DLG3: variants seen among roughly 807,000 people sequenced by gnomAD.
DLG3 encodes the protein discs large MAGUK scaffold protein 3.
A neutral mutation model predicts 64.1 loss-of-function variants in DLG3; 1 was observed. The observed-to-expected ratio is 0.02, with a 90% CI of 0.01 to 0.07. The LOEUF (loss-of-function observed/expected upper bound fraction) is 0.07, where lower values mean the gene tolerates loss of function less well. DLG3 is among the 10% of genes least tolerant of loss of function. The probability of loss-of-function intolerance (pLI) is 1.00; values close to 1 mark genes in which losing one functional copy is unlikely to be tolerated. For missense variants in DLG3, 429 were observed against 669.5 expected (o/e 0.64, Z 3.96); for synonymous variants, 245 against 259.8 (o/e 0.94, Z 0.55).
intron 9 of DLG3, among the ~76,000 whole-genome samples, chrX:70,454,809 A>C (rs908193927): frequency 8.9e-6 from 1 of 112,713 alleles, no homozygotes; most frequent in African/African-American, 3.2e-5. Context: ...AGGTGATACT[A>C]TGCCCTTGGG....
intron 9 of DLG3, among the ~76,000 whole-genome samples, chrX:70,458,758 T>C (rs1023831724): frequency 8.9e-6 from 1 of 112,657 alleles, no homozygotes. Flanking sequence ...AAATGCTAAA[T>C]GATAAGATAC....
At chrX:70,472,945 T>C (rs2086994768) in intron 9 of DLG3, among the ~76,000 whole-genome samples, 1 of 110,294 alleles carries the variant, frequency 9.1e-6, no homozygotes, top group Admixed American at 9.7e-5. Context: ...TCACCTGAGG[T>C]CAAGAGTTCA....
rs762898798 is a variant in DLG3 at position 70,450,320 on chromosome X, A to T, written c.840+15A>T. On this transcript the variant is annotated intron_variant, in intron 5 of 18. Coordinates refer to ENST00000374360, the MANE Select transcript of DLG3 (RefSeq NM_021120.4). ...GGCTGCTGGCGGTGAGACAGACTTC[A>T]TGGGGATGCCCAAATGGTAGGGTAG... 6.0e-6 allele frequency: 7 copies of T among 1,169,363 alleles called. No individual in the cohort carries two copies. In the Middle Eastern group the frequency reaches 1.4e-3, roughly 233 times the overall value.
At chrX:70,485,069 G>A (rs1191504089) in intron 10 of DLG3, among the ~76,000 whole-genome samples, 1 of 111,907 alleles carries the variant, frequency 8.9e-6, no homozygotes. Context: ...CAAATAATGT[G>A]TGCCCTTTAT....
intron 10 of DLG3, 32 bp downstream of exon 10, chrX:70,479,296 G>GCT: frequency 1.8e-6 from 2 of 1,083,370 alleles, no homozygotes; most frequent in Non-Finnish European, 2.6e-6. Flanking sequence ...TAGCCCTTGT[G>GCT]CTGGACGAGG....
rs1016951494 is a variant in DLG3, at chrX:70,503,013, G to C, written c.*744G>C. 1 of 110,921 alleles carries C rather than the reference G, an allele frequency of 9.0e-6. No homozygotes were observed. Among genetic ancestry groups the C allele is most frequent in the African/African-American group, 3.3e-5 (1 of 30,364 alleles). 9.1% of individuals were successfully genotyped at this position (110,921 alleles called of 1,213,427 possible). A position where few individuals can be genotyped will look rare whatever the true frequency, so the allele number is the denominator to read the frequency against. On this transcript the variant is annotated 3_prime_UTR_variant, in exon 19 of 19. Coordinates refer to ENST00000374360, the MANE Select transcript of DLG3 (RefSeq NM_021120.4). ...TGCTGCACTAAGGGCACTCGCATTT[G>C]GTCATTCTCTTGAGAGCTAGGAGGG...
intron 10 of DLG3, among the ~76,000 whole-genome samples, chrX:70,490,919 C>CTT (rs1336516702): frequency 6.7e-5 from 7 of 104,238 alleles, no homozygotes; most frequent in African/African-American, 2.1e-4. Context: ...TTTTTTTTGG[C>CTT]TTTTTTTTTT....
At chrX:70,496,929 A>C (rs999550765) in intron 13 of DLG3, among the ~76,000 whole-genome samples, 1 of 112,503 alleles carries the variant, frequency 8.9e-6, no homozygotes, top group Non-Finnish European at 1.9e-5. Context: ...ATGCTGCTGA[A>C]GGAAGTATGG....
Position 70,492,537 on chromosome X carries a change from A to G in DLG3, c.1714A>G (p.Arg572Gly). The G allele has an allele frequency of 8.3e-7, 1 of 1,211,188 alleles. No individual in the cohort carries two copies. The highest frequency in any genetic ancestry group is 1.1e-6 in the Non-Finnish European group (1 of 895,107). ...CCAAAACAGGGTGGAAAAGAAAGAA[A>G]GAGCTCGATTGAAAACTGTGAAGTT... ...PSKKRVEKKE[R>G]ARLKTVKFHA... Residue 572 changes from arginine (R) to glycine (G), a missense_variant, in exon 12 of 19, where the codon AGA (arginine) becomes GGA (glycine). By Grantham distance (125) the Arg-to-Gly change is moderately radical. This residue lies in a region of DLG3 where 25 missense variants were observed against 83.7 expected (regional missense o/e 0.30). Coordinates refer to ENST00000374360, the MANE Select transcript of DLG3 (RefSeq NM_021120.4).
chrX:70,467,479 T>C (rs1286304131), intron 9 of DLG3, among the ~76,000 whole-genome samples: 1 of 112,286 alleles, frequency 8.9e-6, no homozygotes, highest in Non-Finnish European at 1.9e-5. Flanking sequence ...ACAACTTAGA[T>C]GAGAAGAGTA....
rs1422749497 is a variant in DLG3, at chrX:70,502,502, C to G, written c.*233C>G. On this transcript the variant is annotated 3_prime_UTR_variant, in exon 19 of 19. Coordinates refer to ENST00000374360, the MANE Select transcript of DLG3 (RefSeq NM_021120.4). Reference sequence around the variant, plus strand: ...CATCTCATTCATCATGTGACTGTGCCCATTCCTGCATGGACCTTTCCCAAG... The same window carrying G: ...CATCTCATTCATCATGTGACTGTGCGCATTCCTGCATGGACCTTTCCCAAG... The G allele has an allele frequency of 2.9e-6, 1 of 347,559 alleles. No homozygotes were observed. Among genetic ancestry groups the G allele is most frequent in the Non-Finnish European group, 5.1e-6 (1 of 196,979 alleles). The allele number at this position is 347,559 out of a possible 1,213,427, so 28.6% of individuals were successfully genotyped here.
intron 12 of DLG3, 65 bp from the exon 13 acceptor site, chrX:70,495,343 T>A: frequency 5.0e-6 from 5 of 992,204 alleles, no homozygotes; most frequent in Non-Finnish European, 7.1e-6. Context: ...TTCCCTCCCA[T>A]CCCTTCCCCT....
chrX:70,475,965 C>T (rs2087047863), intron 9 of DLG3, among the ~76,000 whole-genome samples: 1 of 111,982 alleles, frequency 8.9e-6, no homozygotes, highest in Non-Finnish European at 1.9e-5. Flanking sequence ...AGACCAGCAG[C>T]TCCAAACTTT....
chrX:70,458,765 A>G (rs969521017), intron 9 of DLG3, among the ~76,000 whole-genome samples: 10 of 112,700 alleles, frequency 8.9e-5, no homozygotes, highest in Non-Finnish European at 9.4e-5. Context: ...AAATGATAAG[A>G]TACCACAGTA....
At chrX:70,482,274 A>C (rs1387277437) in intron 10 of DLG3, among the ~76,000 whole-genome samples, 1 of 112,537 alleles carries the variant, frequency 8.9e-6, no homozygotes, top group Non-Finnish European at 1.9e-5. Flanking sequence ...TTGAAACTAA[A>C]GCAATAATCT....
chrX:70,446,722 G>A (rs943357172), intron 1 of DLG3, among the ~76,000 whole-genome samples: 1 of 113,062 alleles, frequency 8.8e-6, no homozygotes, highest in Non-Finnish European at 1.9e-5. Context: ...TGGAGGCTGG[G>A]CTGGCAGAGC....
chrX:70,448,822 C>A, intron 1 of DLG3, 91 bp from the exon 2 acceptor site: 1 of 1,099,209 alleles, frequency 9.1e-7, no homozygotes, highest in Non-Finnish European at 1.2e-6. Context: ...CTCTTCTACT[C>A]TGTGGGAGTA....
intron 9 of DLG3, among the ~76,000 whole-genome samples, chrX:70,467,756 C>T (rs978509705): frequency 1.8e-5 from 2 of 112,180 alleles, no homozygotes; most frequent in African/African-American, 3.2e-5. Context: ...ACCTGGAGAA[C>T]AGGGAAAAGG....
chrX:70,450,494 C>T (rs934881877), intron 5 of DLG3, 145 bp from the exon 6 acceptor site: 2 of 925,623 alleles, frequency 2.2e-6, no homozygotes, highest in South Asian at 2.2e-5. Flanking sequence ...TGCCCTATCC[C>T]CTACCTCCTG....
Sources: allele counts gnomAD v4.1 joint callset (sites outside exome capture counted in the v4.1 genomes callset), GRCh38; gene constraint gnomAD v4.1.1; regional missense constraint gnomAD v4.1.1; transcripts MANE v1.5; gene names NCBI Gene and HGNC (gene_info 2026-07-23, HGNC 2026-07-21).